The following SHANK2 variants were observed in gnomAD, a reference collection of about 807,000 sequenced individuals.
SHANK2 encodes SH3 and multiple ankyrin repeat domains 2.
In SHANK2, 43 loss-of-function variants were observed where a neutral mutation model predicts 133.7. That is an observed-to-expected ratio of 0.32 (90% CI 0.25 to 0.41). SHANK2 has a LOEUF of 0.41. Ranked by LOEUF, SHANK2 falls within the 10% of genes least tolerant of loss-of-function variation. SHANK2 has a pLI of 1.00. For missense variants in SHANK2, 1,994 were observed against 2,235.8 expected (o/e 0.89, Z 2.18); for synonymous variants, 1,017 against 952.8 (o/e 1.07, Z -1.24).
At chr11:70,751,863 G>A (rs1390417424) in intron 14 of SHANK2, among the ~76,000 whole-genome samples, 1 of 151,430 alleles carries the variant, frequency 6.6e-6, no homozygotes, top group East Asian at 1.9e-4. Flanking sequence ...AAAAAAAAAA[G>A]CTATATAATT....
At chr11:70,495,461 C>G (rs1302619453) in intron 21 of SHANK2, among the ~76,000 whole-genome samples, 1 of 152,332 alleles carries the variant, frequency 6.6e-6, no homozygotes, top group East Asian at 1.9e-4. Context: ...CTTGGTCTAT[C>G]CCTGGAAATG....
intron 2 of SHANK2, among the ~76,000 whole-genome samples, chr11:71,210,677 T>C (rs1954256200): frequency 6.6e-6 from 1 of 152,078 alleles, no homozygotes; most frequent in South Asian, 2.1e-4. Flanking sequence ...GATCACTCCA[T>C]CCACCCACTT....
At chr11:70,764,340 C>A (rs145647037) in intron 14 of SHANK2, among the ~76,000 whole-genome samples, 625 of 150,302 alleles carry the variant, frequency 4.2e-3, no homozygotes, top group Non-Finnish European at 6.8e-3. Context: ...TCCATCTATA[C>A]ATTCACCCAC....
intron 14 of SHANK2, among the ~76,000 whole-genome samples, chr11:70,718,373 G>A (rs1051537668): frequency 9.8e-5 from 15 of 152,380 alleles, no homozygotes; most frequent in Admixed American, 5.2e-4. Flanking sequence ...AAGGAACTGC[G>A]CCTCGGTGGA....
At chr11:70,819,529 T>C (rs78986942) in intron 12 of SHANK2, among the ~76,000 whole-genome samples, 1 of 152,298 alleles carries the variant, frequency 6.6e-6, no homozygotes, top group East Asian at 1.9e-4. Flanking sequence ...GCTTGGGAGT[T>C]GGAGCTCTGA....
At chr11:70,831,525 G>A (rs1294799538) in intron 11 of SHANK2, among the ~76,000 whole-genome samples, 1 of 152,034 alleles carries the variant, frequency 6.6e-6, no homozygotes, top group Non-Finnish European at 1.5e-5. Flanking sequence ...TGCAGCCCCT[G>A]CCCACAGGCA....
rs368694737 is a variant in SHANK2 at position 70,805,190 on chromosome 11, A to G, written c.1663+1812T>C. On this transcript the variant is annotated intron_variant, in intron 13 of 25. Coordinates refer to ENST00000601538, the MANE Select transcript of SHANK2 (RefSeq NM_012309.5). ...CCGCACCCCAGCCTTCTCCTTGGGCATCAGTGAGCTCCAAAGCAGGACTCA... is the reference window on the plus strand; with the variant it reads ...CCGCACCCCAGCCTTCTCCTTGGGCGTCAGTGAGCTCCAAAGCAGGACTCA... Among the ~76,000 whole-genome samples, 418 of 152,220 alleles carry G rather than the reference A, an allele frequency of 2.7e-3. 1 individual carries two copies. The highest frequency in any genetic ancestry group is 9.4e-3 in the African/African-American group (392 of 41,546).
chr11:71,115,622 A>T (rs1951963836), intron 4 of SHANK2, among the ~76,000 whole-genome samples: 1 of 152,042 alleles, frequency 6.6e-6, no homozygotes, highest in South Asian at 2.1e-4. Context: ...CCTCACGACC[A>T]CTCCCGGACA....
At chr11:70,789,911 A>G (rs1352931080) in intron 14 of SHANK2, among the ~76,000 whole-genome samples, 3 of 152,168 alleles carry the variant, frequency 2.0e-5, no homozygotes, top group Non-Finnish European at 4.4e-5. Flanking sequence ...TGTTTCAGCA[A>G]CTAAAATACG....
chr11:70,817,146 C>T (rs1329498130), intron 12 of SHANK2, among the ~76,000 whole-genome samples: 3 of 152,238 alleles, frequency 2.0e-5, no homozygotes, highest in Non-Finnish European at 4.4e-5. Context: ...GCATGCCTGC[C>T]TCCAACTCTC....
At chr11:71,242,863 T>C (rs905834738) in intron 1 of SHANK2, among the ~76,000 whole-genome samples, 12 of 152,230 alleles carry the variant, frequency 7.9e-5, no homozygotes, top group African/African-American at 2.9e-4. Context: ...TCAGCAGGAC[T>C]GAAATTATAC....
chr11:71,159,025 C>T lies in SHANK2; in HGVS notation c.-12-11687G>A, dbSNP rs145223839. 7.3e-3 allele frequency among the ~76,000 whole-genome samples: 1,117 copies of T among 152,318 alleles called. 15 individuals are homozygous for T. Among genetic ancestry groups the T allele is most frequent in the African/African-American group, 0.026 (1,070 of 41,558 alleles). On this transcript the variant is annotated intron_variant, in intron 2 of 25. Transcript: ENST00000601538. ...ATGCCTTCATGTAAGGTCCCTAAGA[C>T]GGGATTCTGGCTTCTCAATAAATGC...
At chr11:71,133,468 G>GGA (rs1952372316) in intron 3 of SHANK2, among the ~76,000 whole-genome samples, 1 of 151,376 alleles carries the variant, frequency 6.6e-6, no homozygotes, top group Non-Finnish European at 1.5e-5. Context: ...AGGGAGGGAG[G>GGA]GAGAGAGAGA....
chr11:70,557,590 G>T (rs1256625249), intron 17 of SHANK2, among the ~76,000 whole-genome samples: 4 of 152,188 alleles, frequency 2.6e-5, no homozygotes, highest in Non-Finnish European at 5.9e-5. Flanking sequence ...CAGGCTGGCA[G>T]CACCGCGGGG....
chr11:70,804,636 T>C lies in SHANK2; in HGVS notation c.1663+2366A>G, dbSNP rs1320711695. On this transcript the variant is annotated intron_variant, in intron 13 of 25. Transcript: ENST00000601538. The surrounding 1 kb of genome is among the most constrained non-coding windows in gnomAD (Gnocchi z 4.1). ...CAGAGAGGCTGAGGAGGCCCAGTCC[T>C]GGGGCCTGGATAGGAGTCACGTGAC... 1.3e-5 allele frequency among the ~76,000 whole-genome samples: 2 copies of C among 152,186 alleles called. No individual in the cohort carries two copies. Among genetic ancestry groups the C allele is most frequent in the African/African-American group, 4.8e-5 (2 of 41,452 alleles).
chr11:70,711,156 T>C (rs1474231073), intron 14 of SHANK2, among the ~76,000 whole-genome samples: 6 of 151,962 alleles, frequency 3.9e-5, no homozygotes, highest in African/African-American at 1.5e-4. Context: ...TGGGGCGGGG[T>C]GGGGTCCCCA....
intron 6 of SHANK2, among the ~76,000 whole-genome samples, chr11:71,095,123 G>A (rs1478839014): frequency 2.6e-5 from 4 of 152,254 alleles, no homozygotes; most frequent in African/African-American, 7.2e-5. Context: ...GGCATCTTGG[G>A]AGATGCCAGC....
intron 10 of SHANK2, among the ~76,000 whole-genome samples, chr11:70,941,740 C>T (rs1436483546): frequency 6.6e-6 from 1 of 152,216 alleles, no homozygotes; most frequent in African/African-American, 2.4e-5. Flanking sequence ...CTTGCTCGGA[C>T]TTCCAGCCTC....
rs554563278 is a variant in SHANK2 at position 70,492,265 on chromosome 11, T to C, written c.2439+70A>G. On this transcript the variant is annotated intron_variant, in intron 22 of 25. Transcript: ENST00000601538. ...ATGAAAGCGTGTGCACCTCAGCTAC[T>C]GAGACAGCCCACCCACTTCCTGGGC... 9.0e-5 allele frequency: 143 copies of C among 1,596,076 alleles called. 1 individual carries two copies. The South Asian group carries it at 1.5e-3, about 16-fold the overall frequency.
Sources: gnomAD v4.1 joint callset for allele counts (sites outside exome capture counted in the v4.1 genomes callset) on GRCh38, gnomAD v4.1.1 for gene constraint, Gnocchi (gnomAD v3.1) non-coding constraint, MANE v1.5 for transcripts, NCBI Gene and HGNC (gene_info 2026-07-23, HGNC 2026-07-21) for gene names.